Variants in TIAM1 observed in about 807,000 individuals in gnomAD.
TIAM1 encodes the protein rho guanine nucleotide exchange factor TIAM1.
In TIAM1, 65 loss-of-function variants were observed where a neutral mutation model predicts 163.5. The ratio of observed to expected loss-of-function variants is 0.40; its 90% confidence interval spans 0.33 to 0.49. The LOEUF is 0.49. Among genes scored for constraint, TIAM1 ranks in the 20% least tolerant of loss-of-function variants. The pLI is 0.77. For synonymous variants in TIAM1, 833 were observed against 810.1 expected (o/e 1.03, Z -0.48); for missense variants, 1,789 against 2,044.7 (o/e 0.87, Z 2.41).
Position 31,267,003 on chromosome 21 carries a change from AAG to A in TIAM1, c.-11-22_-11-21del. 1 of 1,571,044 alleles carries A rather than the reference AAG, an allele frequency of 6.4e-7. No individual in the cohort carries two copies. ...TATGGTCTGCAGCAAAGCGGGGGGA[AAG>A]GGGAGAATTGAGTCACTATTAGTAC... On this transcript the variant is annotated intron_variant, in intron 3 of 27. Transcript: ENST00000541036.
intron 6 of TIAM1, among the ~76,000 whole-genome samples, chr21:31,231,871 G>A (rs1159908056): frequency 6.6e-6 from 1 of 151,998 alleles, no homozygotes; most frequent in Non-Finnish European, 1.5e-5. Context: ...AAATTAGCTG[G>A]GCATGGTGGC....
At chr21:31,342,802 T>C (rs2076060269) in intron 1 of TIAM1, among the ~76,000 whole-genome samples, 1 of 152,170 alleles carries the variant, frequency 6.6e-6, no homozygotes, top group African/African-American at 2.4e-5. Flanking sequence ...AAGCCATGTC[T>C]GATTTGGTTT....
At chr21:31,491,114 A>G (rs1408326677) in intron 1 of TIAM1, among the ~76,000 whole-genome samples, 1 of 152,130 alleles carries the variant, frequency 6.6e-6, no homozygotes, top group Non-Finnish European at 1.5e-5. Flanking sequence ...CTGGCTACAC[A>G]GTGAAATTCC....
Position 31,251,825 on chromosome 21 carries a change from T to C in TIAM1, c.1328A>G (p.Lys443Arg), listed in dbSNP as rs1346244419. 6.2e-7 allele frequency: 1 copy of C among 1,613,532 alleles called. No homozygotes were observed. The highest frequency in any genetic ancestry group is 8.5e-7 in the Non-Finnish European group (1 of 1,179,628). The change falls in exon 5 of 28, where the codon AAG (lysine) becomes AGG (arginine). Residue 443 changes from lysine to arginine, a missense_variant. By Grantham distance (26) the Lys-to-Arg change is conservative. Transcript: ENST00000541036. ...TVRKAGALAV[K>R]NFLVHKKNKK... is the part of the protein sequence containing the mutation. ...GTTCTTCTTGTGCACCAGGAAGTTC[T>C]TGACGGCCAGGGCGCCGGCCTTGCG...
chr21:31,248,397 TG>T (rs1191857780), intron 5 of TIAM1, among the ~76,000 whole-genome samples: 1 of 152,208 alleles, frequency 6.6e-6, no homozygotes, highest in African/African-American at 2.4e-5. Flanking sequence ...CTTTTACTCA[TG>T]ATCAACTCGT....
intron 1 of TIAM1, among the ~76,000 whole-genome samples, chr21:31,542,337 G>A (rs2048347097): frequency 6.6e-6 from 1 of 151,942 alleles, no homozygotes; most frequent in South Asian, 2.1e-4. Context: ...TGAGGCAGGA[G>A]AATGGCGTGA....
chr21:31,197,288 AAG>A (rs1448555059), intron 12 of TIAM1, among the ~76,000 whole-genome samples: 1 of 152,254 alleles, frequency 6.6e-6, no homozygotes, highest in African/African-American at 2.4e-5. Flanking sequence ...AGGCTGGAAA[AAG>A]AGCTTTGTAC....
intron 26 of TIAM1, among the ~76,000 whole-genome samples, chr21:31,126,310 T>C (rs1233481491): frequency 1.3e-5 from 2 of 152,046 alleles, no homozygotes; most frequent in African/African-American, 2.4e-5. Flanking sequence ...TGCTCACGCC[T>C]GTAATCCAAG....
intron 25 of TIAM1, 116 bp downstream of exon 25, chr21:31,130,095 GGA>G (rs149289300): frequency 0.025 from 13,992 of 567,094 alleles, 513 homozygotes; most frequent in African/African-American, 0.12. Flanking sequence ...TTAAGCATAG[GGA>G]AAAAAAAAAA....
chr21:31,340,475 C>T (rs923448979), intron 1 of TIAM1, among the ~76,000 whole-genome samples: 3 of 152,136 alleles, frequency 2.0e-5, no homozygotes, highest in Non-Finnish European at 2.9e-5. Context: ...GTCTGTGGCA[C>T]GAAACTGCTA....
At chr21:31,309,525 A>G (rs150140417) in intron 2 of TIAM1, among the ~76,000 whole-genome samples, 169 of 152,346 alleles carry the variant, frequency 1.1e-3, no homozygotes, top group Middle Eastern at 3.4e-3. Context: ...AAAGGTGAAA[A>G]GCTTTTAAAC....
intron 2 of TIAM1, among the ~76,000 whole-genome samples, chr21:31,434,626 T>C (rs967615434): frequency 6.6e-6 from 1 of 152,268 alleles, no homozygotes; most frequent in Non-Finnish European, 1.5e-5. Flanking sequence ...TTTTACTTCC[T>C]CACTTCCTAA....
At chr21:31,493,367 A>C (rs751147083) in intron 1 of TIAM1, among the ~76,000 whole-genome samples, 36 of 152,212 alleles carry the variant, frequency 2.4e-4, no homozygotes, top group Non-Finnish European at 4.7e-4. Flanking sequence ...ATATAAAATG[A>C]TAGCTTTAAA....
chr21:31,392,564 C>CT (rs1453957991), intron 2 of TIAM1, among the ~76,000 whole-genome samples: 1 of 114,198 alleles, frequency 8.8e-6, no homozygotes, highest in Middle Eastern at 6.1e-3. Context: ...GAGCAAAACT[C>CT]TGTCTCAAAA....
chr21:31,314,892 A>C (rs1223423943), intron 2 of TIAM1, among the ~76,000 whole-genome samples: 1 of 152,162 alleles, frequency 6.6e-6, no homozygotes, highest in Non-Finnish European at 1.5e-5. Context: ...TCTGGAATTG[A>C]GTGTAAAAAT....
At chr21:31,241,337 G>A (rs1433786536) in intron 6 of TIAM1, among the ~76,000 whole-genome samples, 1 of 152,118 alleles carries the variant, frequency 6.6e-6, no homozygotes, top group Non-Finnish European at 1.5e-5. Context: ...TGAAAGCAGA[G>A]ATGAAGGCTA....
chr21:31,499,569 A>T (rs1255310461), intron 1 of TIAM1, among the ~76,000 whole-genome samples: 1 of 147,304 alleles, frequency 6.8e-6, no homozygotes, highest in African/African-American at 2.5e-5. Context: ...AAAAAAAAAA[A>T]CGCTGAGCAC....
intron 2 of TIAM1, among the ~76,000 whole-genome samples, chr21:31,422,154 A>AAT (rs1275097096): frequency 6.6e-6 from 1 of 152,210 alleles, no homozygotes; most frequent in African/African-American, 2.4e-5. Flanking sequence ...AGTTGGTGGC[A>AAT]ATATGTGATG....
chr21:31,473,791 C>G (rs934913331), intron 1 of TIAM1, among the ~76,000 whole-genome samples: 1 of 152,108 alleles, frequency 6.6e-6, no homozygotes, highest in African/African-American at 2.4e-5. Context: ...GAAATAAGTT[C>G]CATAAAATCA....
Sources: gnomAD v4.1 joint callset for allele counts (sites outside exome capture counted in the v4.1 genomes callset) on GRCh38, gnomAD v4.1.1 for gene constraint, MANE v1.5 for transcripts, NCBI Gene and HGNC (gene_info 2026-07-23, HGNC 2026-07-21) for gene names.